BRSK2: variants seen among roughly 807,000 people sequenced by gnomAD.
BRSK2 encodes the protein serine/threonine-protein kinase BRSK2.
A neutral mutation model predicts 83.3 loss-of-function variants in BRSK2; 19 were observed. That is an observed-to-expected ratio of 0.23 (90% CI 0.16 to 0.33). The LOEUF (loss-of-function observed/expected upper bound fraction) is 0.33. Ranked by LOEUF, BRSK2 falls within the 10% of genes least tolerant of loss-of-function variation. The probability of loss-of-function intolerance (pLI) is 1.00; values close to 1 mark genes in which losing one functional copy is unlikely to be tolerated. For synonymous variants in BRSK2, 519 were observed against 435.4 expected (o/e 1.19, Z -2.39); for missense variants, 798 against 1,042.3 (o/e 0.77, Z 3.23).
At chr11:1,395,294 C>A (rs1845999749) in intron 1 of BRSK2, among the ~76,000 whole-genome samples, 2 of 152,188 alleles carry the variant, frequency 1.3e-5, no homozygotes, top group Non-Finnish European at 2.9e-5. Context: ...GCCCGGGGAG[C>A]CAGCATGGTG....
chr11:1,416,529 G>A (rs1023847424), intron 1 of BRSK2, among the ~76,000 whole-genome samples: 13 of 152,138 alleles, frequency 8.5e-5, no homozygotes, highest in Non-Finnish European at 1.5e-4. Context: ...ACGTTCCCCC[G>A]GCTTTCATTT....
chr11:1,403,519 G>C (rs1463710525), intron 1 of BRSK2, among the ~76,000 whole-genome samples: 1 of 152,228 alleles, frequency 6.6e-6, no homozygotes, highest in Non-Finnish European at 1.5e-5. Flanking sequence ...GCAGGCTCAT[G>C]GGATGGGCAG....
chr11:1,457,573 G>T (rs949832144), intron 18 of BRSK2, among the ~76,000 whole-genome samples: 7 of 152,192 alleles, frequency 4.6e-5, no homozygotes, highest in Non-Finnish European at 1.0e-4. Flanking sequence ...TCAGCAAGGG[G>T]GTGTGGGTGT....
intron 2 of BRSK2, 24 bp downstream of exon 2, chr11:1,436,158 C>T (rs1393637869): frequency 6.2e-5 from 4 of 64,492 alleles, no homozygotes; most frequent in East Asian, 3.8e-4. Flanking sequence ...GGGAGGGAGG[C>T]GGGGCCGGCG....
At chr11:1,395,329 C>T (rs1370742349) in intron 1 of BRSK2, among the ~76,000 whole-genome samples, 2 of 152,186 alleles carry the variant, frequency 1.3e-5, no homozygotes, top group Admixed American at 6.5e-5. Context: ...CTGAAGTCTC[C>T]CTGGCCCCCT....
intron 1 of BRSK2, among the ~76,000 whole-genome samples, chr11:1,415,399 T>C (rs1847998220): frequency 6.6e-6 from 1 of 152,156 alleles, no homozygotes; most frequent in Non-Finnish European, 1.5e-5. Flanking sequence ...TGGCCCTGTC[T>C]TTACCTTTTT....
intron 19 of BRSK2, 37 bp from the exon 20 acceptor site, chr11:1,460,463 T>TTTTC (rs1554921650): frequency 1.6e-5 from 1 of 63,732 alleles, no homozygotes; most frequent in African/African-American, 5.2e-4. Context: ...CTTTTTTCCT[T>TTTTC]TTTTTTTTTT....
At chr11:1,436,173 G>C (rs777123641) in intron 2 of BRSK2, 39 bp downstream of exon 2, 2 of 827,220 alleles carry the variant, frequency 2.4e-6, no homozygotes, top group Non-Finnish European at 3.5e-6. Flanking sequence ...CCGGCGGTGG[G>C]GTGGGGCGGG....
In BRSK2 at chr11:1,450,794, GGTGA is replaced by G. The variant is rs1845724182; in HGVS notation, c.1495+4_1495+7del. ...CCGCTTCCACCGCCGGAAACTGCAAGGTGAGTGTCTGCCCGGAGGCGCCAGAGTG... is the reference window on the plus strand; with the variant it reads ...CCGCTTCCACCGCCGGAAACTGCAAGGTGTCTGCCCGGAGGCGCCAGAGTG... On this transcript the variant is annotated splice_donor_variant and splice_donor_region_variant and intron_variant, in intron 14 of 19. Coordinates refer to ENST00000528841, the MANE Select transcript of BRSK2 (RefSeq NM_001256627.2). LOFTEE classifies it high-confidence loss of function. 1.9e-6 allele frequency: 3 copies of G among 1,591,344 alleles called. No individual in the cohort carries two copies. The highest frequency in any genetic ancestry group is 2.6e-6 in the Non-Finnish European group (3 of 1,172,176).
At chr11:1,455,679 C>T (rs1168529389) in intron 16 of BRSK2, among the ~76,000 whole-genome samples, 1 of 152,074 alleles carries the variant, frequency 6.6e-6, no homozygotes, top group African/African-American at 2.4e-5. Context: ...CTGCTCACTT[C>T]CTCGGCCTCC....
chr11:1,444,954 T>C lies in BRSK2; in HGVS notation c.781-17T>C. On this transcript the variant is annotated splice_polypyrimidine_tract_variant and intron_variant, in intron 8 of 19. Coordinates refer to ENST00000528841, the MANE Select transcript of BRSK2 (RefSeq NM_001256627.2). ...GTCCCTCGTCCGTACTAACTCCCTG[T>C]TTCTCTTTCCTTGTAGCTAGAGCAC... 6.2e-7 allele frequency: 1 copy of C among 1,611,812 alleles called. No homozygotes were observed.
intron 1 of BRSK2, among the ~76,000 whole-genome samples, chr11:1,405,800 C>T (rs1016083841): frequency 2.6e-5 from 4 of 152,168 alleles, no homozygotes; most frequent in South Asian, 2.1e-4. Flanking sequence ...GCATCTCCAG[C>T]GCTCGGTCCT....
rs1590650266 is a variant in BRSK2 at position 1,450,597 on chromosome 11, A to G, written c.1298A>G (p.His433Arg). ...SPLSSPRVTP[H>R]PSPRGSPLPT... The stretch of plus-strand genomic sequence containing the variant: ...GTCCCCACCATACAGGTGACCCCTC[A>G]CCCCTCACCAAGGGGCAGTCCCCTC... Residue 433 changes from histidine to arginine, a missense_variant, in exon 14 of 20, where the codon CAC becomes CGC. Coordinates refer to ENST00000528841, the MANE Select transcript of BRSK2 (RefSeq NM_001256627.2). 1 of 1,573,830 alleles carries G rather than the reference A, an allele frequency of 6.4e-7. No homozygotes were observed. The highest frequency in any genetic ancestry group is 8.6e-7 in the Non-Finnish European group (1 of 1,161,138).
At chr11:1,456,903 G>C (rs1476494738) in intron 18 of BRSK2, 1 of 1,574,920 alleles carries the variant, frequency 6.3e-7, no homozygotes, top group Non-Finnish European at 8.6e-7. Context: ...TGCACGCCAG[G>C]GACATAGGGC....
At position 1,403,531 on chromosome 11, in the gene BRSK2, G is replaced by A. The variant is rs147181328; in HGVS notation, c.91+13156G>A. ...CCCGCAGGCTCATGGGATGGGCAGG[G>A]GCTGCGGAGGAGGGGCCCAGGCGGT... On this transcript the variant is annotated intron_variant, in intron 1 of 19. Coordinates refer to ENST00000528841, the MANE Select transcript of BRSK2 (RefSeq NM_001256627.2). Among the ~76,000 whole-genome samples, 901 of 152,344 alleles carry A rather than the reference G, an allele frequency of 5.9e-3. 11 individuals are homozygous for A. Among genetic ancestry groups the A allele is most frequent in the African/African-American group, 0.02 (849 of 41,576 alleles).
chr11:1,426,266 G>A (rs1044729849), intron 1 of BRSK2, among the ~76,000 whole-genome samples: 4 of 151,270 alleles, frequency 2.6e-5, no homozygotes, highest in Non-Finnish European at 5.9e-5. Flanking sequence ...GGCGTGCTCC[G>A]GGGATGTGTG....
In BRSK2 at chr11:1,460,508, T is replaced by C. The variant is rs751287463; in HGVS notation, c.1996T>C (p.Leu666=). ...TGRLSKCGSP[L]SNFFDVIKQL... ...CTGTTCTGTGTACCCAGGCAGCCCA[T>C]TGAGTAACTTCTTTGACGTAATTAA... is the stretch of plus-strand genomic sequence containing the variant. The change falls in exon 20 of 20, where the codon TTG becomes CTG. Residue 666 remains leucine (L), a synonymous_variant. Coordinates refer to ENST00000528841, the MANE Select transcript of BRSK2 (RefSeq NM_001256627.2). 3.5e-6 allele frequency: 5 copies of C among 1,412,000 alleles called. No homozygotes were observed. The highest frequency in any genetic ancestry group is 2.5e-5 in the South Asian group (2 of 79,418). The allele number at this position is 1,412,000 out of a possible 1,614,324, so 87.5% of individuals were successfully genotyped here. A position where few individuals can be genotyped will look rare whatever the true frequency, so the allele number is the denominator to read the frequency against.
In BRSK2 at chr11:1,449,785, C is replaced by A. The variant is rs201893103; in HGVS notation, c.1236C>A (p.Ser412=). ...EMAQHGQRSR[S]ISGASSGLST... ...ACCTTGTGACCTCCAGGTCTCGGTCCATCAGCGGTGCCTCCTCAGGCCTTT... is the reference window on the plus strand; with the variant it reads ...ACCTTGTGACCTCCAGGTCTCGGTCAATCAGCGGTGCCTCCTCAGGCCTTT... The change falls in exon 13 of 20, where the codon TCC becomes TCA. Residue 412 remains serine (S), a synonymous_variant. Transcript: ENST00000528841. 6.2e-7 allele frequency: 1 copy of A among 1,612,376 alleles called. No homozygotes were observed. Among genetic ancestry groups the A allele is most frequent in the Non-Finnish European group, 8.5e-7 (1 of 1,179,584 alleles).
intron 1 of BRSK2, among the ~76,000 whole-genome samples, chr11:1,428,871 GGT>G (rs749455067): frequency 5.5e-4 from 83 of 151,912 alleles, no homozygotes; most frequent in Middle Eastern, 3.4e-3. Flanking sequence ...TGTGTGCATG[GGT>G]GTGTGCACAC....
Sources: allele counts gnomAD v4.1 joint callset (sites outside exome capture counted in the v4.1 genomes callset), GRCh38; gene constraint gnomAD v4.1.1; transcripts MANE v1.5; gene names NCBI Gene and HGNC (gene_info 2026-07-23, HGNC 2026-07-21).